RYR2: variants seen among roughly 807,000 people sequenced by gnomAD.
The protein encoded by RYR2 is ryanodine receptor 2, also known as cardiac muscle ryanodine receptor-calcium release channel.
In RYR2, 227 loss-of-function variants were observed where a neutral mutation model predicts 601.1. The observed-to-expected ratio is 0.38, with a 90% CI of 0.34 to 0.42. RYR2 has a LOEUF of 0.42. Among genes scored for constraint, RYR2 ranks in the 10% least tolerant of loss-of-function variants. The pLI, the probability that RYR2 is intolerant of heterozygous loss-of-function variation, is 1.00. For synonymous variants in RYR2, 2,223 were observed against 2,175.1 expected, an observed-to-expected ratio of 1.02 and a Z score of -0.61; for missense variants, 4,646 against 6,156.5, an observed-to-expected ratio of 0.75 and a Z score of 8.21.
At position 237,456,632 on chromosome 1, in the gene RYR2, C is replaced by A. The variant is rs764532025; in HGVS notation, c.1509C>A (p.Asp503Glu). 13 of 1,605,850 alleles carry A rather than the reference C, an allele frequency of 8.1e-6. No homozygotes were observed. The highest frequency in any genetic ancestry group is 1.1e-5 in the Non-Finnish European group (13 of 1,175,190). The change falls in exon 16 of 105, where the codon GAC (aspartate) becomes GAA (glutamate). Residue 503 changes from aspartate (D) to glutamate (E), a missense_variant. This residue lies in a region of RYR2 where 1,807 missense variants were observed against 2,088.1 expected (regional missense o/e 0.87). Coordinates refer to ENST00000366574, the MANE Select transcript of RYR2 (RefSeq NM_001035.3). ...TCAACCTCGTGCTTGAGTGCATAGA[C>A]CGTTTGCACGTCTACAGCAGTGCAG... ...GMINLVLECIDRLHVYSSAAH... is the reference protein window; with the variant it reads ...GMINLVLECIERLHVYSSAAH...
chr1:237,705,564 G>A (rs1197500657), intron 67 of RYR2, among the ~76,000 whole-genome samples: 1 of 152,116 alleles, frequency 6.6e-6, no homozygotes, highest in Non-Finnish European at 1.5e-5. Context: ...TAATTCAAGA[G>A]CAAGGTGACT....
chr1:237,563,304 A>T (rs1056217957), intron 27 of RYR2, among the ~76,000 whole-genome samples: 2 of 151,750 alleles, frequency 1.3e-5, no homozygotes, highest in Non-Finnish European at 2.9e-5. Flanking sequence ...CCAGCTACTC[A>T]GGAAGCCGAG....
At chr1:237,719,933 G>A (rs188493402) in intron 73 of RYR2, among the ~76,000 whole-genome samples, 203 of 152,266 alleles carry the variant, frequency 1.3e-3, no homozygotes, top group Non-Finnish European at 2.2e-3. Context: ...AGGCTATATC[G>A]AGATTTGCAG....
chr1:237,401,023 C>A lies in RYR2; in HGVS notation c.773+12840C>A, dbSNP rs151131890. ...AAATAATTGTGATCCAGAAATAGAC[C>A]AGACCTTACAAGTATTGAGACCCAG... On this transcript the variant is annotated intron_variant, in intron 10 of 104. Transcript: ENST00000366574. Among the ~76,000 whole-genome samples the A allele has an allele frequency of 5.6e-3, 858 of 152,184 alleles. 12 individuals carry two copies. The highest frequency in any genetic ancestry group is 0.02 in the African/African-American group (826 of 41,510).
chr1:237,411,259 C>T (rs1396293243), intron 10 of RYR2, among the ~76,000 whole-genome samples: 1 of 151,982 alleles, frequency 6.6e-6, no homozygotes, highest in East Asian at 1.9e-4. Context: ...CCCATAGAAA[C>T]AGTATAAAAT....
At chr1:237,227,026 G>A (rs1684438466) in intron 1 of RYR2, among the ~76,000 whole-genome samples, 1 of 152,084 alleles carries the variant, frequency 6.6e-6, no homozygotes, top group South Asian at 2.1e-4. Flanking sequence ...GCTTTGCAAA[G>A]CCTCCCAAAG....
chr1:237,762,838 T>G (rs1693535616), intron 84 of RYR2, among the ~76,000 whole-genome samples: 1 of 152,246 alleles, frequency 6.6e-6, no homozygotes, highest in Admixed American at 6.5e-5. Flanking sequence ...TTTTTTTCTT[T>G]TTCCCCATTT....
chr1:237,407,482 T>G (rs189687106), intron 10 of RYR2, among the ~76,000 whole-genome samples: 60 of 152,324 alleles, frequency 3.9e-4, no homozygotes, highest in African/African-American at 1.4e-3. Context: ...TTGTAACATA[T>G]GAATAGTGAT....
rs543553898 is a variant in RYR2 at position 237,054,961 on chromosome 1, T to C, written c.48+12392T>C. On this transcript the variant is annotated intron_variant, in intron 1 of 104. Coordinates refer to ENST00000366574, the MANE Select transcript of RYR2 (RefSeq NM_001035.3). ...ATGTTCAGGAGCCTCCTACTCTAGA[T>C]GGTGCCGGGAGCACTGTTTCCTTTC... Among the ~76,000 whole-genome samples the C allele has an allele frequency of 5.3e-5, 8 of 152,230 alleles. 1 individual carries two copies. The highest frequency in any genetic ancestry group is 7.4e-5 in the Non-Finnish European group (5 of 68,012).
intron 1 of RYR2, among the ~76,000 whole-genome samples, chr1:237,265,192 A>G (rs1490273706): frequency 6.6e-6 from 1 of 152,170 alleles, no homozygotes; most frequent in Admixed American, 6.5e-5. Flanking sequence ...TAACTAGAGA[A>G]GAGAGAAAGG....
At position 237,454,536 on chromosome 1, in the gene RYR2, C is replaced by T. The variant is rs1340830020; in HGVS notation, c.1438C>T (p.Arg480Ter). Reference sequence around the variant, plus strand: ...GCATGAAGACAAACAGAACAGACTACGAGCCCTGAAGAATCGGCAAAATCT... The same window carrying T: ...GCATGAAGACAAACAGAACAGACTATGAGCCCTGAAGAATCGGCAAAATCT... ...LEHEDKQNRLRALKNRQNLFQ... is the reference protein window; with the variant it reads ...LEHEDKQNRL The change falls in exon 15 of 105, where the codon CGA becomes TGA. Residue 480 changes from arginine (R) to a stop codon, truncating the protein, a stop_gained. Coordinates refer to ENST00000366574, the MANE Select transcript of RYR2 (RefSeq NM_001035.3). LOFTEE classifies it high-confidence loss of function. 7 of 1,613,210 alleles carry T rather than the reference C, an allele frequency of 4.3e-6. No individual in the cohort carries two copies. Among genetic ancestry groups the T allele is most frequent in the Non-Finnish European group, 5.9e-6 (7 of 1,179,570 alleles).
intron 29 of RYR2, among the ~76,000 whole-genome samples, chr1:237,578,874 C>A (rs1450774103): frequency 6.6e-6 from 1 of 152,132 alleles, no homozygotes; most frequent in Non-Finnish European, 1.5e-5. Context: ...AAGAGTCCTG[C>A]AGTGAATGGC....
At position 237,169,531 on chromosome 1, in the gene RYR2, C is replaced by G. The variant is rs1415633476; in HGVS notation, c.49-100966C>G. ...GCCAGGCTGGTCTCGAACTCCTGAC[C>G]TCGTGATCCATCACCTCGACCTCCC... is the stretch of plus-strand genomic sequence containing the variant. On this transcript the variant is annotated intron_variant, in intron 1 of 104. Coordinates refer to ENST00000366574, the MANE Select transcript of RYR2 (RefSeq NM_001035.3). Among the ~76,000 whole-genome samples, 4 of 20,864 alleles carry G rather than the reference C, an allele frequency of 1.9e-4. No individual in the cohort carries two copies. The Non-Finnish European group carries it at 2.0e-3, about 11-fold the overall frequency. 13.7% of individuals were successfully genotyped at this position (20,864 alleles called of 152,430 possible).
chr1:237,111,173 T>A (rs766853854), intron 1 of RYR2, among the ~76,000 whole-genome samples: 2 of 152,248 alleles, frequency 1.3e-5, no homozygotes, highest in Non-Finnish European at 2.9e-5. Context: ...GGAAACATTT[T>A]TGGTTCAGAG....
At chr1:237,680,009 A>T (rs1319862577) in intron 61 of RYR2, among the ~76,000 whole-genome samples, 3 of 152,138 alleles carry the variant, frequency 2.0e-5, no homozygotes, top group Admixed American at 1.3e-4. Flanking sequence ...TAGCAATGTG[A>T]CCTTCGGTAA....
intron 63 of RYR2, 108 bp downstream of exon 63, chr1:237,687,612 C>CCA: frequency 1.1e-5 from 9 of 832,030 alleles, no homozygotes; most frequent in Non-Finnish European, 1.8e-5. Flanking sequence ...GTTTGCATGG[C>CCA]TGCATGCATG....
At position 237,791,863 on chromosome 1, in the gene RYR2, T is replaced by A. The variant is rs992892108; in HGVS notation, c.13564-242T>A. The A allele has an allele frequency of 4.6e-5, 27 of 581,650 alleles. No homozygotes were observed. The African/African-American group carries it at 4.8e-4, about 10-fold the overall frequency. The allele number at this position is 581,650 out of a possible 1,614,324, so 36.0% of individuals were successfully genotyped here. A position where few individuals can be genotyped will look rare whatever the true frequency, so the allele number is the denominator to read the frequency against. On this transcript the variant is annotated intron_variant, in intron 93 of 104. Transcript: ENST00000366574. ...GAGAAGAGAGCTTAGCCATCTAATT[T>A]TTTAGCATGCATTGGAATCCTCAGA...
intron 1 of RYR2, among the ~76,000 whole-genome samples, chr1:237,149,884 G>A (rs949093243): frequency 1.3e-5 from 2 of 152,134 alleles, no homozygotes; most frequent in African/African-American, 4.8e-5. Flanking sequence ...TACATGAGCC[G>A]TTGCCATGAT....
chr1:237,392,300 T>C (rs1435300310), intron 10 of RYR2, among the ~76,000 whole-genome samples: 2 of 152,036 alleles, frequency 1.3e-5, no homozygotes, highest in Non-Finnish European at 2.9e-5. Flanking sequence ...TATTGTACAT[T>C]AAAAAATAAC....
Sources: allele counts gnomAD v4.1 joint callset (sites outside exome capture counted in the v4.1 genomes callset), GRCh38; gene constraint gnomAD v4.1.1; regional missense constraint gnomAD v4.1.1; transcripts MANE v1.5; gene names NCBI Gene and HGNC (gene_info 2026-07-23, HGNC 2026-07-21).